The following APLF variants were observed in gnomAD, a reference collection of about 807,000 sequenced individuals.
APLF encodes the protein aprataxin and PNK-like factor.
Under a neutral mutation model 55.6 loss-of-function variants are expected in APLF, and 61 were observed. That is an observed-to-expected ratio of 1.10 (90% CI 0.89 to 1.36). The LOEUF (loss-of-function observed/expected upper bound fraction) is 1.36. Ranked by LOEUF, APLF falls within the 40% of genes most tolerant of loss-of-function variation. APLF has a pLI of 0.00. For missense variants in APLF, 611 were observed against 602.5 expected, an observed-to-expected ratio of 1.01 and a Z score of -0.15; for synonymous variants, 207 against 214.8, an observed-to-expected ratio of 0.96 and a Z score of 0.32.
At chr2:68,495,119 T>C (rs1161667362) in intron 2 of APLF, among the ~76,000 whole-genome samples, 1 of 152,150 alleles carries the variant, frequency 6.6e-6, no homozygotes, top group Non-Finnish European at 1.5e-5. Flanking sequence ...CCAAACTGTG[T>C]AATTCTTCCC....
chr2:68,565,352 T>C (rs1445337718), intron 8 of APLF, among the ~76,000 whole-genome samples: 1 of 151,980 alleles, frequency 6.6e-6, no homozygotes, highest in Non-Finnish European at 1.5e-5. Flanking sequence ...CTAGCTGTAC[T>C]CAAGAGGCTG....
At chr2:68,554,563 C>T (rs1208354965) in intron 8 of APLF, among the ~76,000 whole-genome samples, 5 of 151,260 alleles carry the variant, frequency 3.3e-5, no homozygotes, top group African/African-American at 7.3e-5. Context: ...TTTGTGTCGT[C>T]TATGATTTCT....
intron 7 of APLF, among the ~76,000 whole-genome samples, chr2:68,544,310 T>C (rs925651508): frequency 1.3e-5 from 2 of 152,240 alleles, no homozygotes; most frequent in African/African-American, 4.8e-5. Context: ...ATTGTGACTT[T>C]TTGTGAATGC....
chr2:68,489,296 C>A (rs1416694166), intron 1 of APLF, among the ~76,000 whole-genome samples: 1 of 152,108 alleles, frequency 6.6e-6, no homozygotes, highest in Non-Finnish European at 1.5e-5. Context: ...TAATTTTGGT[C>A]CTTATGCGGA....
At chr2:68,497,001 T>C (rs1676569532) in intron 2 of APLF, among the ~76,000 whole-genome samples, 1 of 152,226 alleles carries the variant, frequency 6.6e-6, no homozygotes, top group African/African-American at 2.4e-5. Flanking sequence ...CTTTTACATA[T>C]CTTCATAGCA....
At chr2:68,502,509 A>C (rs911731720) in intron 2 of APLF, among the ~76,000 whole-genome samples, 10 of 151,818 alleles carry the variant, frequency 6.6e-5, no homozygotes, top group African/African-American at 1.9e-4. Context: ...GAGAAATGGG[A>C]GGTATACCAT....
chr2:68,518,993 G>GATAATATATTATTAATATATAATAT (rs1669791894), intron 5 of APLF, among the ~76,000 whole-genome samples: 1 of 107,498 alleles, frequency 9.3e-6, no homozygotes, highest in Non-Finnish European at 1.7e-5. Context: ...TACAATATCT[G>GATAATATATTATTAATATATAATAT]ATAATATATT....
At chr2:68,508,538 C>A (rs1363400457) in intron 3 of APLF, among the ~76,000 whole-genome samples, 2 of 151,732 alleles carry the variant, frequency 1.3e-5, no homozygotes, top group Non-Finnish European at 2.9e-5. Flanking sequence ...ATCTTTGTGA[C>A]CTTGCATTAG....
At chr2:68,499,944 G>A (rs748519863) in intron 2 of APLF, among the ~76,000 whole-genome samples, 1 of 151,950 alleles carries the variant, frequency 6.6e-6, no homozygotes, top group Non-Finnish European at 1.5e-5. Flanking sequence ...GTCTCTTTTG[G>A]CCATATTTAC....
Position 68,579,977 on chromosome 2 carries a change from A to C in APLF, c.*1955A>C. ...TTCAATAAATCTGTCACAAAAAAGT[A>C]ATGCAAAGGGTAATACCAGTCTTTT... is the stretch of plus-strand genomic sequence containing the variant. On this transcript the variant is annotated 3_prime_UTR_variant, in exon 10 of 10. Transcript: ENST00000303795. 1.1e-6 allele frequency: 1 copy of C among 870,486 alleles called. No homozygotes were observed. The highest frequency in any genetic ancestry group is 1.4e-6 in the Non-Finnish European group (1 of 725,322). The allele number at this position is 870,486 out of a possible 1,614,324, so 53.9% of individuals were successfully genotyped here.
intron 1 of APLF, among the ~76,000 whole-genome samples, chr2:68,477,448 C>T (rs902151694): frequency 1.3e-5 from 2 of 151,906 alleles, no homozygotes; most frequent in Admixed American, 6.6e-5. Context: ...GCCTGGACAA[C>T]ATAATGGGAC....
intron 9 of APLF, among the ~76,000 whole-genome samples, chr2:68,570,951 G>A (rs1420603182): frequency 1.3e-5 from 2 of 152,130 alleles, no homozygotes; most frequent in Non-Finnish European, 2.9e-5. Flanking sequence ...ATCCTCTCCA[G>A]CACCTGTTGT....
intron 8 of APLF, among the ~76,000 whole-genome samples, chr2:68,557,329 A>G (rs948365254): frequency 2.0e-5 from 3 of 152,224 alleles, no homozygotes; most frequent in Non-Finnish European, 4.4e-5. Context: ...TTCAGTAAGG[A>G]TGCAATCATT....
intron 3 of APLF, among the ~76,000 whole-genome samples, chr2:68,508,193 T>G (rs1262858071): frequency 1.3e-5 from 2 of 151,588 alleles, no homozygotes; most frequent in African/African-American, 4.8e-5. Context: ...AGTTGGAGGG[T>G]TCACACTTCT....
intron 7 of APLF, among the ~76,000 whole-genome samples, chr2:68,543,022 G>A (rs376131077): frequency 3.3e-5 from 5 of 152,244 alleles, no homozygotes; most frequent in Middle Eastern, 6.8e-3. Context: ...AGGACATTAT[G>A]CTAAGTGAAA....
Position 68,502,894 on chromosome 2 carries a change from G to A in APLF, c.332G>A (p.Cys111Tyr). The A allele has an allele frequency of 6.2e-7, 1 of 1,600,516 alleles. No homozygotes were observed. The highest frequency in any genetic ancestry group is 8.5e-7 in the Non-Finnish European group (1 of 1,175,582). ...ATACCCTCTGAAGTGGAAATGCAAT[G>A]TACCTTAAGGTAAGTGCCTGATGAA... is the stretch of plus-strand genomic sequence containing the variant. ...LSIPSEVEMQ[C>Y]TLRNSQVLDE... Residue 111 changes from cysteine to tyrosine, a missense_variant, in exon 3 of 10, where the codon TGT becomes TAT. Coordinates refer to ENST00000303795, the MANE Select transcript of APLF (RefSeq NM_173545.3).
chr2:68,555,619 G>T (rs1670985485), intron 8 of APLF, among the ~76,000 whole-genome samples: 1 of 152,042 alleles, frequency 6.6e-6, no homozygotes, highest in Non-Finnish European at 1.5e-5. Context: ...TCAGGGAAAT[G>T]CTAATCAAAA....
At chr2:68,565,139 C>CTCT (rs1205426114) in intron 8 of APLF, among the ~76,000 whole-genome samples, 2 of 152,046 alleles carry the variant, frequency 1.3e-5, no homozygotes, top group African/African-American at 4.8e-5. Context: ...TCAGTTGAAA[C>CTCT]TCTTGAAAGT....
chr2:68,550,789 T>A (rs1036290804), intron 8 of APLF, among the ~76,000 whole-genome samples: 7 of 152,136 alleles, frequency 4.6e-5, no homozygotes, highest in African/African-American at 1.7e-4. Context: ...GAACCTTACA[T>A]CACTTTAATT....
Sources: gnomAD v4.1 joint callset for allele counts (sites outside exome capture counted in the v4.1 genomes callset) on GRCh38, gnomAD v4.1.1 for gene constraint, MANE v1.5 for transcripts, NCBI Gene and HGNC (gene_info 2026-07-23, HGNC 2026-07-21) for gene names.